GRIN2B: variants seen among roughly 807,000 people sequenced by gnomAD.
GRIN2B encodes glutamate ionotropic receptor NMDA type subunit 2B.
In GRIN2B, 5 loss-of-function variants were observed where a neutral mutation model predicts 114.5. The observed-to-expected ratio is 0.04, with a 90% confidence interval of 0.02 to 0.09. GRIN2B has a LOEUF of 0.09. Among genes scored for constraint, GRIN2B ranks in the 10% least tolerant of loss-of-function variants. GRIN2B has a pLI of 1.00. For missense variants in GRIN2B, 1,108 were observed against 1,943.5 expected (o/e 0.57, Z 8.08); for synonymous variants, 787 against 745.1 (o/e 1.06, Z -0.92).
At chr12:13,655,413 G>T (rs905591946) in intron 5 of GRIN2B, among the ~76,000 whole-genome samples, 7 of 152,152 alleles carry the variant, frequency 4.6e-5, no homozygotes, top group Non-Finnish European at 1.0e-4. Context: ...CAAGTATGAG[G>T]CTTGAATTTT....
intron 4 of GRIN2B, among the ~76,000 whole-genome samples, chr12:13,725,131 C>A (rs1209932652): frequency 6.6e-6 from 1 of 152,124 alleles, no homozygotes; most frequent in Non-Finnish European, 1.5e-5. Context: ...TTGGGCAAAT[C>A]TCTGCTCTTT....
At position 13,547,975 on chromosome 12, in the gene GRIN2B, A is replaced by ATTTTTTTTTTTTT. The variant is rs1323847688; in HGVS notation, c.*14807_*14808insAAAAAAAAAAAAA. The ATTTTTTTTTTTTT allele has an allele frequency of 2.0e-5, 1 of 49,856 alleles. No individual in the cohort carries two copies. Among genetic ancestry groups the ATTTTTTTTTTTTT allele is most frequent in the East Asian group, 8.9e-4 (1 of 1,118 alleles). 3.1% of individuals were successfully genotyped at this position (49,856 alleles called of 1,614,324 possible). A position where few individuals can be genotyped will look rare whatever the true frequency, so the allele number is the denominator to read the frequency against. ...TATGTGTGTGTATATATATATATAT[A>ATTTTTTTTTTTTT]TATATATTTTTTTTTTTTTTCTGAA... On this transcript the variant is annotated 3_prime_UTR_variant, in exon 14 of 14. Transcript: ENST00000609686.
intron 10 of GRIN2B, among the ~76,000 whole-genome samples, chr12:13,577,092 T>C (rs1472338324): frequency 6.6e-6 from 1 of 152,198 alleles, no homozygotes; most frequent in Non-Finnish European, 1.5e-5. Context: ...GCCTTCCTTT[T>C]GCCAGCTGAA....
chr12:13,689,032 C>T (rs1950193217), intron 4 of GRIN2B, among the ~76,000 whole-genome samples: 1 of 152,098 alleles, frequency 6.6e-6, no homozygotes, highest in Non-Finnish European at 1.5e-5. Context: ...TTACTGGATG[C>T]CTTTATCTTT....
In GRIN2B at chr12:13,757,035, C is replaced by A. The variant is rs369371287; in HGVS notation, c.412-3120G>T. On this transcript the variant is annotated intron_variant, in intron 3 of 13. Coordinates refer to ENST00000609686, the MANE Select transcript of GRIN2B (RefSeq NM_000834.5). ...CATCCCCAACTACATCCTTACCGTA[C>A]CTTCTAGTTCTACTGTCCTCCACAA... is the stretch of plus-strand genomic sequence containing the variant. 8.0e-4 allele frequency among the ~76,000 whole-genome samples: 122 copies of A among 152,274 alleles called. 1 individual carries two copies. The highest frequency in any genetic ancestry group is 2.9e-3 in the African/African-American group (122 of 41,542).
intron 13 of GRIN2B, among the ~76,000 whole-genome samples, chr12:13,565,240 C>A (rs1055919741): frequency 2.6e-5 from 4 of 152,156 alleles, no homozygotes; most frequent in Admixed American, 6.5e-5. Context: ...GAACAAAATT[C>A]ACAGAAAGAG....
At chr12:13,570,456 G>C (rs1210651014) in intron 11 of GRIN2B, among the ~76,000 whole-genome samples, 1 of 152,174 alleles carries the variant, frequency 6.6e-6, no homozygotes, top group Admixed American at 6.5e-5. Flanking sequence ...TGTTTCAATA[G>C]ATGTGCAATG....
Position 13,539,363 on chromosome 12 carries a change from AT to A in GRIN2B, c.*23419del, listed in dbSNP as rs1948249949. ...GGAGCATGTGGCTTTTAATAAAGTG[AT>A]GTTGAAATGTGCCTCATGATTGGCA... On this transcript the variant is annotated 3_prime_UTR_variant, in exon 14 of 14. Transcript: ENST00000609686. 1 of 152,196 alleles carries A rather than the reference AT, an allele frequency of 6.6e-6. No homozygotes were observed. Among genetic ancestry groups the A allele is most frequent in the Non-Finnish European group, 1.5e-5 (1 of 68,038 alleles). 9.4% of individuals were successfully genotyped at this position (152,196 alleles called of 1,614,324 possible).
intron 2 of GRIN2B, among the ~76,000 whole-genome samples, chr12:13,921,426 A>G (rs975999426): frequency 6.6e-6 from 1 of 152,198 alleles, no homozygotes; most frequent in Non-Finnish European, 1.5e-5. Context: ...CAAATAAAAA[A>G]GTTTCAGGAC....
At chr12:13,718,426 G>C (rs1266392358) in intron 4 of GRIN2B, among the ~76,000 whole-genome samples, 1 of 151,868 alleles carries the variant, frequency 6.6e-6, no homozygotes, top group Non-Finnish European at 1.5e-5. Flanking sequence ...GAAGTACCAA[G>C]GAAAAAAAGA....
intron 8 of GRIN2B, among the ~76,000 whole-genome samples, chr12:13,612,274 A>AT (rs1195867773): frequency 6.6e-6 from 1 of 152,246 alleles, no homozygotes; most frequent in African/African-American, 2.4e-5. Flanking sequence ...AACCTTGCAG[A>AT]TACAGTCTTT....
chr12:13,937,528 C>T (rs1012866129), intron 2 of GRIN2B, among the ~76,000 whole-genome samples: 7 of 151,848 alleles, frequency 4.6e-5, no homozygotes, highest in Non-Finnish European at 1.0e-4. Context: ...AAACTGTCAA[C>T]CCAGAATTAT....
At chr12:13,952,914 G>C (rs1167099484) in intron 2 of GRIN2B, among the ~76,000 whole-genome samples, 1 of 151,116 alleles carries the variant, frequency 6.6e-6, no homozygotes, top group African/African-American at 2.4e-5. Flanking sequence ...CCCAAAACTT[G>C]GTAGCATAAA....
At chr12:13,584,693 T>A (rs149361546) in intron 10 of GRIN2B, among the ~76,000 whole-genome samples, 16 of 152,360 alleles carry the variant, frequency 1.1e-4, no homozygotes, top group Admixed American at 9.2e-4. Flanking sequence ...CAAGAGCCTG[T>A]CAGACTTAGG....
At chr12:13,624,767 C>T (rs1056984173) in intron 5 of GRIN2B, among the ~76,000 whole-genome samples, 1 of 152,182 alleles carries the variant, frequency 6.6e-6, no homozygotes. Context: ...CATCTCGGGC[C>T]TCAGATGCTA....
At chr12:13,859,629 G>A (rs763201607) in intron 3 of GRIN2B, among the ~76,000 whole-genome samples, 7 of 151,940 alleles carry the variant, frequency 4.6e-5, no homozygotes, top group African/African-American at 1.2e-4. Flanking sequence ...CTCCCTCATC[G>A]TATGCACTGG....
chr12:13,876,778 T>C (rs74942438), intron 2 of GRIN2B, among the ~76,000 whole-genome samples: 16,655 of 152,258 alleles, frequency 0.11, 1,210 homozygotes, highest in Middle Eastern at 0.17. Context: ...ACAAGGCTTT[T>C]CTTGCAAACC....
At chr12:13,822,166 G>A (rs189148451) in intron 3 of GRIN2B, among the ~76,000 whole-genome samples, 56 of 152,174 alleles carry the variant, frequency 3.7e-4, no homozygotes, top group Non-Finnish European at 5.9e-4. Flanking sequence ...TTGGATGTGT[G>A]CAAAAAGAGG....
intron 2 of GRIN2B, among the ~76,000 whole-genome samples, chr12:13,908,805 C>T (rs1237361763): frequency 6.6e-6 from 1 of 152,174 alleles, no homozygotes; most frequent in African/African-American, 2.4e-5. Flanking sequence ...TTGCTTGAGA[C>T]ATCTCACAAA....
Sources: allele counts gnomAD v4.1 joint callset (sites outside exome capture counted in the v4.1 genomes callset), GRCh38; gene constraint gnomAD v4.1.1; transcripts MANE v1.5; gene names NCBI Gene and HGNC (gene_info 2026-07-23, HGNC 2026-07-21).